EPAS1: variants seen among roughly 807,000 people sequenced by gnomAD.
EPAS1 encodes the protein endothelial PAS domain-containing protein 1.
A neutral mutation model predicts 87.9 loss-of-function variants in EPAS1; 23 were observed. The ratio of observed to expected loss-of-function variants is 0.26; its 90% confidence interval spans 0.19 to 0.37. The LOEUF is 0.37. Ranked by LOEUF, EPAS1 falls within the 10% of genes least tolerant of loss-of-function variation. EPAS1 has a pLI of 1.00. For synonymous variants in EPAS1, 508 were observed against 444.3 expected (o/e 1.14, Z -1.80); for missense variants, 1,138 against 1,120.7 (o/e 1.02, Z -0.22).
chr2:46,323,520 C>T (rs1179801700), intron 1 of EPAS1, among the ~76,000 whole-genome samples: 1 of 152,204 alleles, frequency 6.6e-6, no homozygotes, highest in African/African-American at 2.4e-5. Context: ...AACTACAAAT[C>T]TTGCTTGTGA....
Position 46,380,784 on chromosome 2 carries a change from G to C in EPAS1, c.2045+67G>C, listed in dbSNP as rs1011173987. 1 of 1,598,116 alleles carries C rather than the reference G, an allele frequency of 6.3e-7. No individual in the cohort carries two copies. Among genetic ancestry groups the C allele is most frequent in the Non-Finnish European group, 8.5e-7 (1 of 1,179,528 alleles). ...AGAGGCACCCACTAGTAAGATAGCT[G>C]GACCCCCAGGGAGGCCCCTGCCCCT... On this transcript the variant is annotated intron_variant, in intron 12 of 15. Transcript: ENST00000263734. This position sits in a 1 kb window ranked among gnomAD's most constrained non-coding sequence, Gnocchi z 4.4.
chr2:46,346,066 T>C lies in EPAS1; in HGVS notation c.27-807T>C, dbSNP rs1003611920. On this transcript the variant is annotated intron_variant, in intron 1 of 15. Coordinates refer to ENST00000263734, the MANE Select transcript of EPAS1 (RefSeq NM_001430.5). This position sits in a 1 kb window ranked among gnomAD's most constrained non-coding sequence, Gnocchi z 4.0. ...ATCTAAACATTCTGGCTTTTAAATA[T>C]TGCCCGTGCTAGAACTTGCCATGGA... Among the ~76,000 whole-genome samples the C allele has an allele frequency of 2.0e-5, 3 of 152,212 alleles. No homozygotes were observed. Among genetic ancestry groups the C allele is most frequent in the Non-Finnish European group, 4.4e-5 (3 of 68,036 alleles).
intron 6 of EPAS1, among the ~76,000 whole-genome samples, chr2:46,363,408 A>AT (rs971649474): frequency 2.0e-5 from 3 of 152,210 alleles, no homozygotes; most frequent in Admixed American, 6.5e-5. Flanking sequence ...TAGAAAAGAG[A>AT]TTTTTTTTAA....
intron 2 of EPAS1, among the ~76,000 whole-genome samples, chr2:46,348,944 C>T (rs560630622): frequency 6.6e-6 from 1 of 152,326 alleles, no homozygotes; most frequent in Admixed American, 6.5e-5. Context: ...CGTTGTGTTT[C>T]TCCTTATTTC....
rs1684812949 is a variant in EPAS1 at position 46,378,651 on chromosome 2, C to T, written c.1444-6C>T. ...TGACTCTGTCCCCCTCCTTCCTGGC[C>T]CCTAGCCCAATAGCCCTGAAGACTA... On this transcript the variant is annotated splice_polypyrimidine_tract_variant and splice_region_variant and intron_variant, in intron 10 of 15. Coordinates refer to ENST00000263734, the MANE Select transcript of EPAS1 (RefSeq NM_001430.5). 1 of 1,612,894 alleles carries T rather than the reference C, an allele frequency of 6.2e-7. No individual in the cohort carries two copies. The highest frequency in any genetic ancestry group is 8.5e-7 in the Non-Finnish European group (1 of 1,179,034).
chr2:46,378,839 C>T, intron 11 of EPAS1, 72 bp downstream of exon 11: 1 of 1,333,152 alleles, frequency 7.5e-7, no homozygotes, highest in Non-Finnish European at 1.1e-6. Flanking sequence ...CACATCCATT[C>T]TTGTAGCCTC....
At chr2:46,365,982 A>T (rs1013129013) in intron 6 of EPAS1, among the ~76,000 whole-genome samples, 12 of 152,352 alleles carry the variant, frequency 7.9e-5, no homozygotes, top group African/African-American at 2.9e-4. Context: ...ATCCTCTTAA[A>T]CAGTTTAAAT....
chr2:46,317,586 T>C (rs1236822639), intron 1 of EPAS1, among the ~76,000 whole-genome samples: 3 of 152,218 alleles, frequency 2.0e-5, no homozygotes, highest in African/African-American at 7.2e-5. Context: ...GAATGGTAAA[T>C]GATAAGTGGC....
At position 46,360,586 on chromosome 2, in the gene EPAS1, A is replaced by C; in HGVS notation, c.455-52A>C. Reference sequence around the variant, plus strand: ...AACTGCAGCTGGGCCCCTCTCATGAATATCCATATAAAACTGACTTCAGCT... The same window carrying C: ...AACTGCAGCTGGGCCCCTCTCATGACTATCCATATAAAACTGACTTCAGCT... On this transcript the variant is annotated intron_variant, in intron 4 of 15. Transcript: ENST00000263734. This position sits in a 1 kb window ranked among gnomAD's most constrained non-coding sequence, Gnocchi z 4.5. The C allele has an allele frequency of 3.3e-6, 5 of 1,497,866 alleles. No homozygotes were observed. The highest frequency in any genetic ancestry group is 4.7e-6 in the Non-Finnish European group (5 of 1,074,542). 92.8% of individuals were successfully genotyped at this position (1,497,866 alleles called of 1,614,324 possible). A position where few individuals can be genotyped will look rare whatever the true frequency, so the allele number is the denominator to read the frequency against.
chr2:46,340,087 C>T (rs867812182), intron 1 of EPAS1, among the ~76,000 whole-genome samples: 6 of 152,170 alleles, frequency 3.9e-5, no homozygotes, highest in African/African-American at 9.7e-5. Context: ...TTCCTGTGTA[C>T]ACACAGCTTT....
intron 6 of EPAS1, among the ~76,000 whole-genome samples, chr2:46,365,021 A>T (rs1684472296): frequency 6.6e-6 from 1 of 152,246 alleles, no homozygotes; most frequent in Non-Finnish European, 1.5e-5. Flanking sequence ...GTTCCCAAGT[A>T]GTTTAACTTT....
intron 1 of EPAS1, among the ~76,000 whole-genome samples, chr2:46,315,161 C>T (rs898014174): frequency 6.6e-6 from 1 of 152,138 alleles, no homozygotes; most frequent in African/African-American, 2.4e-5. Flanking sequence ...TATACATGTA[C>T]ATGAACGTAT....
intron 1 of EPAS1, among the ~76,000 whole-genome samples, chr2:46,322,670 G>A (rs1683475067): frequency 6.6e-6 from 1 of 152,212 alleles, no homozygotes; most frequent in Non-Finnish European, 1.5e-5. Flanking sequence ...GAGCTGAGAT[G>A]TAGAGAGGCC....
At chr2:46,324,659 TCCTTGGGCTGC>T (rs1485192972) in intron 1 of EPAS1, among the ~76,000 whole-genome samples, 15 of 152,366 alleles carry the variant, frequency 9.8e-5, no homozygotes, top group African/African-American at 3.1e-4. Flanking sequence ...AAAACGCTCA[TCCTTGGGCTGC>T]CCCTAGATGC....
chr2:46,374,276 G>C (rs1684685966), intron 7 of EPAS1, among the ~76,000 whole-genome samples: 1 of 152,206 alleles, frequency 6.6e-6, no homozygotes, highest in African/African-American at 2.4e-5. Context: ...GAGACTCTCT[G>C]TCTACCGAGA....
At chr2:46,334,065 T>C (rs1033417655) in intron 1 of EPAS1, among the ~76,000 whole-genome samples, 1 of 152,164 alleles carries the variant, frequency 6.6e-6, no homozygotes, top group Non-Finnish European at 1.5e-5. Flanking sequence ...AGCCCAGGAA[T>C]TGCTGCCATA....
chr2:46,307,707 A>G (rs1683130962), intron 1 of EPAS1, among the ~76,000 whole-genome samples: 1 of 152,122 alleles, frequency 6.6e-6, no homozygotes, highest in Non-Finnish European at 1.5e-5. Flanking sequence ...CATGGAAATT[A>G]GTGCCCCCGT....
intron 14 of EPAS1, 72 bp downstream of exon 14, chr2:46,382,161 G>C: frequency 1.4e-6 from 2 of 1,418,520 alleles, no homozygotes; most frequent in South Asian, 1.2e-5. Flanking sequence ...AGCCCATCCT[G>C]GTTCTTCCAT....
In EPAS1 at chr2:46,337,947, C is replaced by G. The variant is rs140992514; in HGVS notation, c.27-8926C>G. On this transcript the variant is annotated intron_variant, in intron 1 of 15. Coordinates refer to ENST00000263734, the MANE Select transcript of EPAS1 (RefSeq NM_001430.5). ...TGCCAGCTGAGGGGCTGGCCTCAGG[C>G]AAAATGGTGGCCAGCGTGTCTCACT... 8.1e-4 allele frequency among the ~76,000 whole-genome samples: 123 copies of G among 152,204 alleles called. 1 individual carries two copies. Among genetic ancestry groups the G allele is most frequent in the African/African-American group, 2.4e-3 (101 of 41,520 alleles).
Sources: allele counts gnomAD v4.1 joint callset (sites outside exome capture counted in the v4.1 genomes callset), GRCh38; gene constraint gnomAD v4.1.1; non-coding constraint Gnocchi (gnomAD v3.1); transcripts MANE v1.5; gene names NCBI Gene and HGNC (gene_info 2026-07-23, HGNC 2026-07-21).